S100Z: variants seen among roughly 807,000 people sequenced by gnomAD.
S100Z encodes the protein protein S100-Z.
Under a neutral mutation model 8.5 loss-of-function variants are expected in S100Z, and 11 were observed. The ratio of observed to expected loss-of-function variants is 1.30; its 90% CI spans 0.82 to 2.15. S100Z has a LOEUF of 2.15. S100Z is among the 30% of genes most tolerant of loss of function. The pLI is 0.00. For missense variants in S100Z, 126 were observed against 117.9 expected (o/e 1.07, Z -0.32); for synonymous variants, 34 against 43.8 (o/e 0.78, Z 0.89).
intron 4 of S100Z, among the ~76,000 whole-genome samples, chr5:76,907,316 T>G (rs1744491903): frequency 6.6e-6 from 1 of 152,020 alleles, no homozygotes; most frequent in Admixed American, 6.6e-5. Context: ...ATTCTTTTGT[T>G]TTTTTGAGAC....
the S100Z span, among the ~76,000 whole-genome samples, chr5:76,927,770 C>CCATGT: frequency 6.6e-6 from 1 of 152,210 alleles, no homozygotes; most frequent in Non-Finnish European, 1.5e-5. Context: ...AGCCTCATTC[C>CCATGT]CATGTTTTAC....
chr5:76,919,876 T>C (rs886420020), intron 4 of S100Z, among the ~76,000 whole-genome samples: 9 of 151,876 alleles, frequency 5.9e-5, no homozygotes, highest in African/African-American at 1.9e-4. Context: ...AGTGCTGGGA[T>C]TACAGGTGTG....
chr5:76,881,768 A>T (rs1743408852), intron 4 of S100Z, among the ~76,000 whole-genome samples: 1 of 152,186 alleles, frequency 6.6e-6, no homozygotes, highest in Admixed American at 6.5e-5. Flanking sequence ...GATGAGAAGG[A>T]GAAAAACTGC....
chr5:76,900,843 T>C (rs1744202372), intron 4 of S100Z, among the ~76,000 whole-genome samples: 1 of 152,218 alleles, frequency 6.6e-6, no homozygotes, highest in Admixed American at 6.5e-5. Context: ...TGGTCTTCAC[T>C]GTCTGGGCTT....
At chr5:76,885,800 C>G (rs934019512) in intron 4 of S100Z, among the ~76,000 whole-genome samples, 17 of 149,720 alleles carry the variant, frequency 1.1e-4, no homozygotes, top group Admixed American at 4.0e-4. Context: ...GGCTGCTTGC[C>G]CCCCAGAAAA....
At chr5:76,916,038 G>A (rs1393763927) in intron 4 of S100Z, among the ~76,000 whole-genome samples, 1 of 151,860 alleles carries the variant, frequency 6.6e-6, no homozygotes, top group African/African-American at 2.4e-5. Flanking sequence ...GTACACACTT[G>A]TAATCCCAGC....
chr5:76,857,009 T>G (rs1338928622), intron 1 of S100Z, among the ~76,000 whole-genome samples: 1 of 152,042 alleles, frequency 6.6e-6, no homozygotes, highest in Admixed American at 6.6e-5. Context: ...TAGTGAAAGG[T>G]CACAGAGGCT....
At chr5:76,906,976 G>GTA (rs869046562) in intron 4 of S100Z, among the ~76,000 whole-genome samples, 266 of 21,672 alleles carry the variant, frequency 0.012, 1 homozygote, top group Non-Finnish European at 0.018. Flanking sequence ...TTGTGTGTGT[G>GTA]TATATATATA....
chr5:76,853,031 A>G (rs895834815), intron 1 of S100Z, among the ~76,000 whole-genome samples: 1 of 152,214 alleles, frequency 6.6e-6, no homozygotes, highest in East Asian at 1.9e-4. Flanking sequence ...CATTCATCCC[A>G]GAGTCGATTC....
chr5:76,893,017 C>T (rs546003519), intron 4 of S100Z, among the ~76,000 whole-genome samples: 1 of 152,240 alleles, frequency 6.6e-6, no homozygotes, highest in South Asian at 2.1e-4. Context: ...CTCCAGGAGA[C>T]TTATCGTTGT....
At chr5:76,893,675 C>T (rs985687483) in intron 4 of S100Z, among the ~76,000 whole-genome samples, 2 of 152,160 alleles carry the variant, frequency 1.3e-5, no homozygotes, top group Admixed American at 6.5e-5. Context: ...ATACTCCCCT[C>T]GCCCTGAGGA....
At chr5:76,871,683 C>T (rs1305213365) in intron 2 of S100Z, among the ~76,000 whole-genome samples, 6 of 152,138 alleles carry the variant, frequency 3.9e-5, no homozygotes, top group South Asian at 2.1e-4. Flanking sequence ...CCACCACACC[C>T]GGCTAATTTT....
chr5:76,866,226 A>G (rs1350880023), intron 1 of S100Z, among the ~76,000 whole-genome samples: 2 of 151,678 alleles, frequency 1.3e-5, no homozygotes, highest in Non-Finnish European at 2.9e-5. Flanking sequence ...CTGGGACTAC[A>G]GGCATGCGCC....
intron 4 of S100Z, among the ~76,000 whole-genome samples, chr5:76,898,393 G>A (rs967099641): frequency 2.0e-5 from 3 of 151,988 alleles, no homozygotes; most frequent in East Asian, 1.9e-4. Flanking sequence ...TGAGGTGGGT[G>A]GATCCAGGTG....
chr5:76,864,248 C>T (rs1304688714), intron 1 of S100Z, among the ~76,000 whole-genome samples: 3 of 152,142 alleles, frequency 2.0e-5, no homozygotes, highest in Non-Finnish European at 4.4e-5. Context: ...CATAACACAA[C>T]ACAATACTTA....
intron 4 of S100Z, among the ~76,000 whole-genome samples, chr5:76,914,780 A>G (rs1327531565): frequency 2.0e-5 from 3 of 151,532 alleles, no homozygotes; most frequent in Admixed American, 6.6e-5. Context: ...GGAACAAACA[A>G]CTCCTGACGC....
At chr5:76,884,305 T>C (rs1366068971) in intron 4 of S100Z, among the ~76,000 whole-genome samples, 2 of 152,202 alleles carry the variant, frequency 1.3e-5, no homozygotes, top group African/African-American at 2.4e-5. Context: ...CAGGAAACCA[T>C]GTAATCTCGC....
chr5:76,924,262 G>A (rs1367980517), downstream of S100Z, among the ~76,000 whole-genome samples: 2 of 152,174 alleles, frequency 1.3e-5, no homozygotes, highest in African/African-American at 4.8e-5. Context: ...CCTCCCCTGT[G>A]AAGAAAAGTA....
chr5:76,909,167 C>T (rs1016274039), intron 4 of S100Z, among the ~76,000 whole-genome samples: 6 of 152,020 alleles, frequency 3.9e-5, no homozygotes, highest in South Asian at 2.1e-4. Context: ...GGGACCGTTA[C>T]GGGTTCTTGG....
Sources: allele counts gnomAD v4.1 joint callset (sites outside exome capture counted in the v4.1 genomes callset), GRCh38; gene constraint gnomAD v4.1.1; transcripts MANE v1.5; gene names NCBI Gene and HGNC (gene_info 2026-07-23, HGNC 2026-07-21).